Variants in GLIS1 observed in about 807,000 individuals in gnomAD.
GLIS1 encodes the protein GLIS family zinc finger 1.
Under a neutral mutation model 63.8 loss-of-function variants are expected in GLIS1, and 24 were observed. That is an observed-to-expected ratio of 0.38 (90% CI 0.27 to 0.53). GLIS1 has a LOEUF of 0.53. Ranked by LOEUF, GLIS1 falls within the 20% of genes least tolerant of loss-of-function variation. The pLI, the probability that GLIS1 is intolerant of heterozygous loss-of-function variation, is 0.85. For synonymous variants in GLIS1, 450 were observed against 482.5 expected (o/e 0.93, Z 0.88); for missense variants, 1,036 against 1,074.1 (o/e 0.96, Z 0.50).
intron 2 of GLIS1, among the ~76,000 whole-genome samples, chr1:53,622,992 A>G (rs919097885): frequency 1.3e-5 from 2 of 152,220 alleles, no homozygotes; most frequent in Non-Finnish European, 2.9e-5. Context: ...GAAATGTATT[A>G]ACCTCAGTTT....
intron 2 of GLIS1, among the ~76,000 whole-genome samples, chr1:53,635,228 G>A (rs1350822175): frequency 1.3e-5 from 2 of 152,076 alleles, no homozygotes; most frequent in Non-Finnish European, 2.9e-5. Flanking sequence ...TTAGGAAACC[G>A]ACCGTGGACT....
chr1:53,518,045 G>A (rs563499124), intron 7 of GLIS1, among the ~76,000 whole-genome samples: 7 of 152,360 alleles, frequency 4.6e-5, no homozygotes, highest in African/African-American at 1.4e-4. Flanking sequence ...AGCCGTGAGC[G>A]CTTAACCTCT....
chr1:53,665,152 G>A (rs141023440), intron 2 of GLIS1, among the ~76,000 whole-genome samples: 1 of 152,292 alleles, frequency 6.6e-6, no homozygotes, highest in African/African-American at 2.4e-5. Context: ...GCTTGGGCCA[G>A]GATGATAGCA....
At chr1:53,725,605 G>A (rs1411570014) in intron 2 of GLIS1, among the ~76,000 whole-genome samples, 2 of 152,294 alleles carry the variant, frequency 1.3e-5, no homozygotes, top group Middle Eastern at 3.4e-3. Context: ...TCCAGGCTGC[G>A]AGCTCCGAGG....
intron 2 of GLIS1, among the ~76,000 whole-genome samples, chr1:53,641,488 G>A (rs1645786597): frequency 6.6e-6 from 1 of 152,186 alleles, no homozygotes; most frequent in Non-Finnish European, 1.5e-5. Flanking sequence ...AGCCTCAGGT[G>A]CAAGTTCTGG....
At chr1:53,554,728 C>T (rs908030673) in intron 4 of GLIS1, among the ~76,000 whole-genome samples, 10 of 152,318 alleles carry the variant, frequency 6.6e-5, no homozygotes, top group Non-Finnish European at 7.3e-5. Flanking sequence ...TGACCTGGAA[C>T]GTGCCCATCA....
chr1:53,602,818 A>G (rs1645331776), intron 2 of GLIS1, among the ~76,000 whole-genome samples: 1 of 152,250 alleles, frequency 6.6e-6, no homozygotes, highest in Non-Finnish European at 1.5e-5. Flanking sequence ...CTGAATAACC[A>G]GAGACCCCTA....
intron 5 of GLIS1, among the ~76,000 whole-genome samples, chr1:53,527,779 C>T (rs1056698903): frequency 2.0e-5 from 3 of 152,320 alleles, no homozygotes; most frequent in South Asian, 2.1e-4. Context: ...GAGCTGGATC[C>T]GAGTGGGGTG....
intron 4 of GLIS1, among the ~76,000 whole-genome samples, chr1:53,573,488 A>G (rs1324724623): frequency 2.0e-5 from 3 of 152,144 alleles, no homozygotes; most frequent in South Asian, 2.1e-4. Context: ...TAGAGCCCAC[A>G]TTCCCAGACC....
intron 4 of GLIS1, 40 bp from the exon 5 acceptor site, chr1:53,529,992 G>T (rs781774177): frequency 6.3e-6 from 10 of 1,597,240 alleles, no homozygotes; most frequent in Non-Finnish European, 7.7e-6. Flanking sequence ...CAGCCCGGTG[G>T]GCACCCCAAC....
At position 53,600,263 on chromosome 1, in the gene GLIS1, C is replaced by T; in HGVS notation, c.275G>A (p.Gly92Glu). The stretch of plus-strand genomic sequence containing the variant: ...CTTCTCTGAGCCCGGGGTACGGTGT[C>T]CGTAGCTCCCATTCACTAGGCAGAG... ...AAAGKVNGSY[G>E]HRTPGSEKSL... Residue 92 changes from glycine to glutamate, a missense_variant, in exon 3 of 11, where the codon GGA becomes GAA. Physicochemically the swap from Gly to Glu is moderately conservative, Grantham distance 98 (BLOSUM62 -2). Transcript: ENST00000628545. 1.6e-6 allele frequency: 2 copies of T among 1,232,052 alleles called. No homozygotes were observed. Among genetic ancestry groups the T allele is most frequent in the South Asian group, 8.2e-5 (2 of 24,306 alleles). The allele number at this position is 1,232,052 out of a possible 1,614,324, so 76.3% of individuals were successfully genotyped here.
Position 53,737,910 on chromosome 1 carries a change from T to TC in GLIS1, c.154dup (p.Asp52GlyfsTer58). On this transcript the variant is annotated frameshift_variant, in exon 2 of 11. Coordinates refer to ENST00000628545, the MANE Select transcript of GLIS1 (RefSeq NM_001367484.1). LOFTEE classifies it high-confidence loss of function. ...CGGCGCAGGCGGCCGGGCTAGCAGGTCCCGCGGGCCCCTGTCCCCGCAGCC... is the reference window on the plus strand; with the variant it reads ...CGGCGCAGGCGGCCGGGCTAGCAGGTCCCCGCGGGCCCCTGTCCCCGCAGCC... The TC allele has an allele frequency of 2.4e-6, 3 of 1,230,190 alleles. No individual in the cohort carries two copies. The highest frequency in any genetic ancestry group is 3.0e-6 in the Non-Finnish European group (3 of 986,958). 76.2% of individuals were successfully genotyped at this position (1,230,190 alleles called of 1,614,324 possible). A position where few individuals can be genotyped will look rare whatever the true frequency, so the allele number is the denominator to read the frequency against.
chr1:53,682,328 G>C (rs561587293), intron 2 of GLIS1, among the ~76,000 whole-genome samples: 1 of 152,398 alleles, frequency 6.6e-6, no homozygotes, highest in South Asian at 2.1e-4. Flanking sequence ...AGGAGTGGGG[G>C]GATGAAAGGT....
At chr1:53,568,960 A>G (rs1328049335) in intron 4 of GLIS1, among the ~76,000 whole-genome samples, 3 of 152,226 alleles carry the variant, frequency 2.0e-5, no homozygotes, top group Admixed American at 1.3e-4. Flanking sequence ...TAGACAATGG[A>G]ATATTATTCA....
chr1:53,539,041 T>C lies in GLIS1; in HGVS notation c.1321-9089A>G, dbSNP rs1644612113. Among the ~76,000 whole-genome samples, 1 of 151,870 alleles carries C rather than the reference T, an allele frequency of 6.6e-6. No individual in the cohort carries two copies. The highest frequency in any genetic ancestry group is 1.5e-5 in the Non-Finnish European group (1 of 67,958). The stretch of plus-strand genomic sequence containing the variant: ...AGTGCAGAGCTGTGGCTAGACATCG[T>C]CTGGAATGAGGAAAGAGGCTCTGCC... On this transcript the variant is annotated intron_variant, in intron 4 of 10. Transcript: ENST00000628545. The surrounding 1 kb of genome is among the most constrained non-coding windows in gnomAD (Gnocchi z 5.0).
At chr1:53,718,011 G>A (rs1379053905) in intron 2 of GLIS1, among the ~76,000 whole-genome samples, 1 of 152,234 alleles carries the variant, frequency 6.6e-6, no homozygotes, top group Admixed American at 6.5e-5. Context: ...GGTGACAACA[G>A]AGAAGTCAGC....
chr1:53,727,528 A>G (rs985151451), intron 2 of GLIS1, among the ~76,000 whole-genome samples: 2 of 152,258 alleles, frequency 1.3e-5, no homozygotes, highest in African/African-American at 2.4e-5. Context: ...CGCGTGTCAC[A>G]GTACTTGGGG....
intron 2 of GLIS1, among the ~76,000 whole-genome samples, chr1:53,632,258 A>T (rs1479770076): frequency 6.8e-6 from 1 of 147,670 alleles, no homozygotes; most frequent in East Asian, 2.1e-4. Context: ...TATGAGTGTG[A>T]CTGAGGGGCA....
intron 2 of GLIS1, among the ~76,000 whole-genome samples, chr1:53,688,064 T>C (rs965035387): frequency 1.4e-4 from 22 of 152,002 alleles, no homozygotes; most frequent in African/African-American, 5.3e-4. Flanking sequence ...GGGGCTGCCT[T>C]GCTGGAGGCC....
Sources: allele counts gnomAD v4.1 joint callset (sites outside exome capture counted in the v4.1 genomes callset), GRCh38; gene constraint gnomAD v4.1.1; non-coding constraint Gnocchi (gnomAD v3.1); transcripts MANE v1.5; gene names NCBI Gene and HGNC (gene_info 2026-07-23, HGNC 2026-07-21).